Variants in ZNF780A observed in about 807,000 individuals in gnomAD.
The protein encoded by ZNF780A is zinc finger protein 780A.
In ZNF780A, 40 loss-of-function variants were observed where a neutral mutation model predicts 56.7. The observed-to-expected ratio is 0.71, with a 90% CI of 0.55 to 0.92. ZNF780A has a LOEUF of 0.92. Among genes scored for constraint, ZNF780A ranks in the 40% least tolerant of loss-of-function variants. The pLI is 0.00. For missense variants in ZNF780A, 672 were observed against 783.3 expected (o/e 0.86, Z 1.70); for synonymous variants, 231 against 248.3 (o/e 0.93, Z 0.66).
At chr19:40,082,965 T>C (rs543340094) in intron 4 of ZNF780A, 146 bp downstream of exon 4, 1 of 1,374,028 alleles carries the variant, frequency 7.3e-7, no homozygotes, top group African/African-American at 1.4e-5. Context: ...GTGCCTGTTT[T>C]CAACCCAACA....
chr19:40,087,092 G>A (rs756039568), intron 2 of ZNF780A, among the ~76,000 whole-genome samples: 20 of 152,056 alleles, frequency 1.3e-4, no homozygotes, highest in Non-Finnish European at 1.9e-4. Context: ...ATTCCTTATA[G>A]ACATCATTTT....
At chr19:40,071,718 A>C (rs1478403442), downstream of ZNF780A, 1 of 152,392 alleles carries the variant, frequency 6.6e-6, no homozygotes, top group Non-Finnish European at 1.5e-5. Context: ...CCTGTACTTA[A>C]ATGTTTTCTG....
At position 40,081,895 on chromosome 19, in the gene ZNF780A, T is replaced by G. The variant is rs1484218981; in HGVS notation, c.156A>C (p.Pro52=). 6 of 1,611,642 alleles carry G rather than the reference T, an allele frequency of 3.7e-6. No individual in the cohort carries two copies. The highest frequency in any genetic ancestry group is 4.2e-6 in the Non-Finnish European group (5 of 1,178,598). The change falls in exon 5 of 6, where the codon CCA becomes CCC. Residue 52 remains proline (P), a synonymous_variant. Coordinates refer to ENST00000683561, the MANE Select transcript of ZNF780A (RefSeq NM_001142578.2). Reference sequence around the variant, plus strand: ...CTTGCTCTAGTAACGTAATTACATCTGGTTTAGAAATGGAACTTCCTGCTT... The same window carrying G: ...CTTGCTCTAGTAACGTAATTACATCGGGTTTAGAAATGGAACTTCCTGCTT... ...LISLGSSISK[P]DVITLLEQEK...
At chr19:40,085,485 T>C in intron 2 of ZNF780A, 2 of 372,372 alleles carry the variant, frequency 5.4e-6, no homozygotes, top group Non-Finnish European at 7.4e-6. Flanking sequence ...GAAATACTAA[T>C]AAAAAGACTA....
At chr19:40,088,450 G>A (rs75444307) in intron 2 of ZNF780A, among the ~76,000 whole-genome samples, 132 of 152,150 alleles carry the variant, frequency 8.7e-4, no homozygotes, top group Non-Finnish European at 1.1e-3. Context: ...AATTAAACCC[G>A]CAATAAGATA....
rs1203812507 is a variant in ZNF780A at position 40,075,458 on chromosome 19, A to G, written c.984T>C (p.Thr328=). 2 of 1,614,076 alleles carry G rather than the reference A, an allele frequency of 1.2e-6. No homozygotes were observed. Among genetic ancestry groups the G allele is most frequent in the Admixed American group, 1.7e-5 (1 of 60,012 alleles). The part of the protein sequence containing the change: ...YQLIEHCQIH[T]GEKPFECKEC... ...CTTTACATTCAAAGGGTTTCTCACC[A>G]GTATGAATTTGGCAATGTTCAATAA... Residue 328 remains threonine, a synonymous_variant, in exon 6 of 6, where the codon ACT becomes ACC. Transcript: ENST00000683561.
chr19:40,081,303 C>A (rs1405997904), intron 5 of ZNF780A, among the ~76,000 whole-genome samples: 1 of 151,740 alleles, frequency 6.6e-6, no homozygotes, highest in East Asian at 1.9e-4. Context: ...GAGGCCGAGG[C>A]GGGCAGATCA....
At position 40,074,403 on chromosome 19, in the gene ZNF780A, A is replaced by C; in HGVS notation, c.*113T>G. 1.3e-6 allele frequency: 2 copies of C among 1,549,948 alleles called. No individual in the cohort carries two copies. Among genetic ancestry groups the C allele is most frequent in the Non-Finnish European group, 1.7e-6 (2 of 1,152,418 alleles). Reference sequence around the variant, plus strand: ...TGATGCTGAATAACGTTTGAACCACAAATGAAGCCTTTCCCACACCCCTTA... The same window carrying C: ...TGATGCTGAATAACGTTTGAACCACCAATGAAGCCTTTCCCACACCCCTTA... On this transcript the variant is annotated 3_prime_UTR_variant, in exon 6 of 6. Coordinates refer to ENST00000683561, the MANE Select transcript of ZNF780A (RefSeq NM_001142578.2).
chr19:40,076,135 C>A lies in ZNF780A; in HGVS notation c.307G>T (p.Val103Phe), dbSNP rs771265971. The change falls in exon 6 of 6, where the codon GTT becomes TTT. Residue 103 changes from valine (V) to phenylalanine (F), a missense_variant. By Grantham distance (50) the Val-to-Phe change is conservative. Transcript: ENST00000683561. ...DTSEVNLPKQ[V>F]IKQISTTLGI... ...AGAGTTGTACTTATTTGCTTTATAACCTGTTTGGGTAAATTTACTTCAGAG... is the reference window on the plus strand; with the variant it reads ...AGAGTTGTACTTATTTGCTTTATAAACTGTTTGGGTAAATTTACTTCAGAG... 9 of 1,604,308 alleles carry A rather than the reference C, an allele frequency of 5.6e-6. No homozygotes were observed. The East Asian group carries it at 1.3e-4, about 24-fold the overall frequency.
chr19:40,071,966 A>G (rs1319006039), downstream of ZNF780A: 2 of 152,180 alleles, frequency 1.3e-5, no homozygotes, highest in African/African-American at 2.4e-5. Context: ...CAAAACTATC[A>G]AGCAGATAGT....
At chr19:40,069,838 T>A (rs1568437143), downstream of ZNF780A, 1 of 152,172 alleles carries the variant, frequency 6.6e-6, no homozygotes. Context: ...TACCTATTTG[T>A]ATTGATCTGT....
At chr19:40,087,857 A>G (rs1257627219) in intron 2 of ZNF780A, among the ~76,000 whole-genome samples, 1 of 152,198 alleles carries the variant, frequency 6.6e-6, no homozygotes, top group African/African-American at 2.4e-5. Context: ...ATAAATCCAT[A>G]TATTTATAAC....
At chr19:40,080,468 G>T (rs1318621262) in intron 5 of ZNF780A, among the ~76,000 whole-genome samples, 1 of 152,142 alleles carries the variant, frequency 6.6e-6, no homozygotes, top group African/African-American at 2.4e-5. Context: ...AGAAAATGTG[G>T]TACATATACA....
At chr19:40,072,817 C>T, downstream of ZNF780A, 1 of 1,497,664 alleles carries the variant, frequency 6.7e-7, no homozygotes, top group Non-Finnish European at 8.9e-7. Context: ...CTAAGTGCCA[C>T]TGTTGATTCT....
downstream of ZNF780A, chr19:40,072,927 C>T (rs769456518): frequency 3.7e-5 from 57 of 1,550,384 alleles, no homozygotes; most frequent in East Asian, 1.2e-3. Context: ...GCAATGGATT[C>T]TCCTTTGAAT....
In ZNF780A at chr19:40,073,605, T is replaced by C; in HGVS notation, c.*911A>G. 1.0e-6 allele frequency: 1 copy of C among 985,878 alleles called. No homozygotes were observed. Among genetic ancestry groups the C allele is most frequent in the Non-Finnish European group, 1.2e-6 (1 of 830,318 alleles). The allele number at this position is 985,878 out of a possible 1,614,324, so 61.1% of individuals were successfully genotyped here. On this transcript the variant is annotated 3_prime_UTR_variant, in exon 6 of 6. Coordinates refer to ENST00000683561, the MANE Select transcript of ZNF780A (RefSeq NM_001142578.2). ...ACCCTATATTCCTCATTCAAAGACT[T>C]TCTCACAAGAATTATCTTCTCCGAA...
At chr19:40,080,742 G>A (rs1239470366) in intron 5 of ZNF780A, among the ~76,000 whole-genome samples, 2 of 152,080 alleles carry the variant, frequency 1.3e-5, no homozygotes, top group African/African-American at 2.4e-5. Context: ...TACCGGGGTG[G>A]TGAAATAATC....
At chr19:40,081,791 T>C (rs760642673) in intron 5 of ZNF780A, 28 bp downstream of exon 5, 5 of 1,573,870 alleles carry the variant, frequency 3.2e-6, no homozygotes, top group Admixed American at 3.3e-5. Flanking sequence ...AATGATGGCT[T>C]CCCCCCGCCT....
chr19:40,078,982 G>A (rs1370237878), intron 5 of ZNF780A, among the ~76,000 whole-genome samples: 1 of 152,082 alleles, frequency 6.6e-6, no homozygotes, highest in African/African-American at 2.4e-5. Flanking sequence ...ACAAGAATAA[G>A]CCCTCACATA....
Sources: gnomAD v4.1 joint callset for allele counts (sites outside exome capture counted in the v4.1 genomes callset) on GRCh38, gnomAD v4.1.1 for gene constraint, MANE v1.5 for transcripts, NCBI Gene and HGNC (gene_info 2026-07-23, HGNC 2026-07-21) for gene names.